CDC42EP3: variants seen among roughly 807,000 people sequenced by gnomAD.
CDC42EP3 encodes CDC42 effector protein 3.
In CDC42EP3, 4 loss-of-function variants were observed where a neutral mutation model predicts 15.5. The observed-to-expected ratio is 0.26, with a 90% CI of 0.13 to 0.59. The LOEUF (loss-of-function observed/expected upper bound fraction) is 0.59, where lower values mean the gene tolerates loss of function less well. Ranked by LOEUF, CDC42EP3 falls within the 20% of genes least tolerant of loss-of-function variation. The pLI, the probability that CDC42EP3 is intolerant of heterozygous loss-of-function variation, is 0.89. For synonymous variants in CDC42EP3, 145 were observed against 130.3 expected (o/e 1.11, Z -0.77); for missense variants, 309 against 311.2 (o/e 0.99, Z 0.05).
chr2:37,671,017 G>T (rs1666399015), intron 1 of CDC42EP3, among the ~76,000 whole-genome samples: 1 of 152,250 alleles, frequency 6.6e-6, no homozygotes, highest in Non-Finnish European at 1.5e-5. Flanking sequence ...GCGATGCCAC[G>T]GCAGAGCTGT....
At chr2:37,658,783 G>A (rs559553817) in intron 1 of CDC42EP3, among the ~76,000 whole-genome samples, 1 of 152,052 alleles carries the variant, frequency 6.6e-6, no homozygotes, top group Non-Finnish European at 1.5e-5. Context: ...CCTTACTCCT[G>A]GCCCCCATGA....
At chr2:37,654,514 G>C (rs565310248) in intron 1 of CDC42EP3, among the ~76,000 whole-genome samples, 4 of 152,238 alleles carry the variant, frequency 2.6e-5, no homozygotes, top group South Asian at 2.1e-4. Context: ...TAACAGCTCA[G>C]GTTTCTCAAA....
At chr2:37,661,148 G>GTA (rs35916829) in intron 1 of CDC42EP3, among the ~76,000 whole-genome samples, 13,077 of 151,242 alleles carry the variant, frequency 0.086, 1,234 homozygotes, top group East Asian at 0.44. Context: ...TATAGTGTGT[G>GTA]TATATATATA....
chr2:37,668,870 A>C (rs954362056), intron 1 of CDC42EP3, among the ~76,000 whole-genome samples: 8 of 152,214 alleles, frequency 5.3e-5, no homozygotes, highest in Admixed American at 1.3e-4. Flanking sequence ...TGAACAATGC[A>C]ATATATTAGG....
chr2:37,671,807 CCGG>C (rs1666435299), upstream of CDC42EP3: 1 of 36,708 alleles, frequency 2.7e-5, no homozygotes, highest in Non-Finnish European at 6.0e-5. Context: ...CAACCGGTGG[CCGG>C]GCGCGCGCGC....
chr2:37,648,847 C>A (rs764712926), intron 1 of CDC42EP3, among the ~76,000 whole-genome samples: 1 of 151,938 alleles, frequency 6.6e-6, no homozygotes, highest in Admixed American at 6.5e-5. Context: ...GGTGGCCTCC[C>A]TGCCCTTTGG....
At chr2:37,670,325 G>A (rs547230162) in intron 1 of CDC42EP3, among the ~76,000 whole-genome samples, 2 of 152,200 alleles carry the variant, frequency 1.3e-5, no homozygotes, top group African/African-American at 4.8e-5. Context: ...GGGAGATGGG[G>A]ATGGAATCTT....
intron 1 of CDC42EP3, among the ~76,000 whole-genome samples, chr2:37,649,410 G>A: frequency 8.5e-6 from 1 of 117,476 alleles, no homozygotes; most frequent in Non-Finnish European, 1.6e-5. Context: ...AGCTATGATT[G>A]TACCACTGCA....
chr2:37,657,013 G>A (rs1047578848), intron 1 of CDC42EP3, among the ~76,000 whole-genome samples: 1 of 62,652 alleles, frequency 1.6e-5, no homozygotes, highest in Non-Finnish European at 2.8e-5. Flanking sequence ...CGCCATCCTC[G>A]AGGAGAAAAA....
Position 37,642,772 on chromosome 2 carries a change from C to A in CDC42EP3, c.*3051G>T, listed in dbSNP as rs935550346. ...ATTTGCGGGGAGCCTTCAGAAAAAA[C>A]AGGTCACTTGCAGTAATATAGAAGG... On this transcript the variant is annotated 3_prime_UTR_variant, in exon 2 of 2. Transcript: ENST00000295324. 2.0e-5 allele frequency: 3 copies of A among 152,122 alleles called. No homozygotes were observed. Among genetic ancestry groups the A allele is most frequent in the Non-Finnish European group, 4.4e-5 (3 of 68,004 alleles). The allele number at this position is 152,122 out of a possible 1,614,324, so 9.4% of individuals were successfully genotyped here.
At position 37,643,609 on chromosome 2, in the gene CDC42EP3, T is replaced by A. The variant is rs549250353; in HGVS notation, c.*2214A>T. On this transcript the variant is annotated 3_prime_UTR_variant, in exon 2 of 2. Coordinates refer to ENST00000295324, the MANE Select transcript of CDC42EP3 (RefSeq NM_006449.5). The stretch of plus-strand genomic sequence containing the variant: ...CACAGCCATACTCCTCCCCTTTTCA[T>A]GAAATAGTTTCATCTTTACCTTGAG... The A allele has an allele frequency of 6.6e-6, 1 of 152,166 alleles. No homozygotes were observed. Among genetic ancestry groups the A allele is most frequent in the Non-Finnish European group, 1.5e-5 (1 of 68,032 alleles). 9.4% of individuals were successfully genotyped at this position (152,166 alleles called of 1,614,324 possible). A position where few individuals can be genotyped will look rare whatever the true frequency, so the allele number is the denominator to read the frequency against.
chr2:37,651,841 T>C (rs1665690286), intron 1 of CDC42EP3, among the ~76,000 whole-genome samples: 1 of 152,172 alleles, frequency 6.6e-6, no homozygotes, highest in South Asian at 2.1e-4. Flanking sequence ...AATGGGCCTA[T>C]ATGCCATGAC....
chr2:37,659,347 T>C (rs990323951), intron 1 of CDC42EP3, among the ~76,000 whole-genome samples: 13 of 152,358 alleles, frequency 8.5e-5, no homozygotes, highest in African/African-American at 2.6e-4. Context: ...TCCTCTTTTC[T>C]TGTGGCAAAG....
rs550470780 is a variant in CDC42EP3, at chr2:37,652,031, C to T, written c.-235-5209G>A. 2.8e-4 allele frequency among the ~76,000 whole-genome samples: 43 copies of T among 151,832 alleles called. 1 individual carries two copies. In the South Asian group the frequency reaches 7.7e-3, roughly 27 times the overall value. ...TCTACTAAAAATACAAAAAATTAGC[C>T]GGGCCTGGTGGCAGGCGCCTGTAGT... On this transcript the variant is annotated intron_variant, in intron 1 of 1. Coordinates refer to ENST00000295324, the MANE Select transcript of CDC42EP3 (RefSeq NM_006449.5).
At chr2:37,662,374 C>T (rs1666084397) in intron 1 of CDC42EP3, among the ~76,000 whole-genome samples, 1 of 152,134 alleles carries the variant, frequency 6.6e-6, no homozygotes, top group Non-Finnish European at 1.5e-5. Context: ...TATAAATTAC[C>T]CCAAAAAGCT....
intron 1 of CDC42EP3, among the ~76,000 whole-genome samples, chr2:37,663,696 A>C (rs1666153149): frequency 6.6e-6 from 1 of 152,202 alleles, no homozygotes. Context: ...CTTAAAAATA[A>C]GCTAGTGTGG....
chr2:37,645,804 GA>G lies in CDC42EP3; in HGVS notation c.*18del. ...TGTTTTTGTACCTTTTACCCCAAAG[GA>G]AAAAAGTTGGCATCTTGTTACTTAT... On this transcript the variant is annotated 3_prime_UTR_variant, in exon 2 of 2. Coordinates refer to ENST00000295324, the MANE Select transcript of CDC42EP3 (RefSeq NM_006449.5). The G allele has an allele frequency of 6.6e-7, 1 of 1,510,454 alleles. No individual in the cohort carries two copies. Among genetic ancestry groups the G allele is most frequent in the Non-Finnish European group, 8.8e-7 (1 of 1,131,120 alleles). The allele number at this position is 1,510,454 out of a possible 1,614,324, so 93.6% of individuals were successfully genotyped here. A position where few individuals can be genotyped will look rare whatever the true frequency, so the allele number is the denominator to read the frequency against.
intron 1 of CDC42EP3, among the ~76,000 whole-genome samples, chr2:37,652,741 ATTT>A (rs10605373): frequency 1.4e-4 from 20 of 147,608 alleles, no homozygotes; most frequent in Middle Eastern, 3.4e-3. Flanking sequence ...ATTAAAAACA[ATTT>A]TTTTTTTTTT....
chr2:37,667,394 G>A (rs1470855066), intron 1 of CDC42EP3, among the ~76,000 whole-genome samples: 1 of 152,188 alleles, frequency 6.6e-6, no homozygotes, highest in Admixed American at 6.5e-5. Flanking sequence ...GTCCACAGGT[G>A]GTTACTGGAC....
Sources: allele counts gnomAD v4.1 joint callset (sites outside exome capture counted in the v4.1 genomes callset), GRCh38; gene constraint gnomAD v4.1.1; transcripts MANE v1.5; gene names NCBI Gene and HGNC (gene_info 2026-07-23, HGNC 2026-07-21).